Variants in TMEM240 observed in about 807,000 individuals in gnomAD.
TMEM240 encodes the protein transmembrane protein C1orf70.
In TMEM240, 3 loss-of-function variants were observed where a neutral mutation model predicts 19.5. The ratio of observed to expected loss-of-function variants is 0.15; its 90% confidence interval spans 0.07 to 0.40. The LOEUF is 0.40. Ranked by LOEUF, TMEM240 falls within the 10% of genes least tolerant of loss-of-function variation. The pLI, the probability that TMEM240 is intolerant of heterozygous loss-of-function variation, is 1.00. For synonymous variants in TMEM240, 123 were observed against 109.3 expected (o/e 1.13, Z -0.78); for missense variants, 210 against 253.5 (o/e 0.83, Z 1.17).
chr1:1,535,141 T>C lies in TMEM240; in HGVS notation c.*218A>G, dbSNP rs1642190182. 1 of 203,386 alleles carries C rather than the reference T, an allele frequency of 4.9e-6. No individual in the cohort carries two copies. The highest frequency in any genetic ancestry group is 9.2e-6 in the Non-Finnish European group (1 of 108,494). 12.6% of individuals were successfully genotyped at this position (203,386 alleles called of 1,614,324 possible). A position where few individuals can be genotyped will look rare whatever the true frequency, so the allele number is the denominator to read the frequency against. On this transcript the variant is annotated 3_prime_UTR_variant, in exon 4 of 4. Transcript: ENST00000378733. This position sits in a 1 kb window ranked among gnomAD's most constrained non-coding sequence, Gnocchi z 8.2. ...TGTGTCCTGCCCCCCAACTGCAGGGTCTCCCCTAACCCAACCCCCACCCTA... is the reference window on the plus strand; with the variant it reads ...TGTGTCCTGCCCCCCAACTGCAGGGCCTCCCCTAACCCAACCCCCACCCTA...
rs1481731405 is a variant in TMEM240 at position 1,535,322 on chromosome 1, C to T, written c.*37G>A. The T allele has an allele frequency of 3.1e-5, 48 of 1,545,098 alleles. No individual in the cohort carries two copies. Among genetic ancestry groups the T allele is most frequent in the Admixed American group, 9.9e-5 (5 of 50,438 alleles). ...GTCCCTTTTACATCTGTACAGCAGC[C>T]GGTTGGCTCGGTGGCCCCGGTAAGT... On this transcript the variant is annotated 3_prime_UTR_variant, in exon 4 of 4. Transcript: ENST00000378733. This position sits in a 1 kb window ranked among gnomAD's most constrained non-coding sequence, Gnocchi z 8.2.
chr1:1,539,918 G>T, intron 1 of TMEM240, 128 bp from the exon 2 acceptor site: 1 of 732,434 alleles, frequency 1.4e-6, no homozygotes, highest in Non-Finnish European at 2.2e-6. Flanking sequence ...GGTGAGGGGA[G>T]CGTAGGCCTT....
chr1:1,536,130 A>G lies in TMEM240; in HGVS notation c.165-333T>C, dbSNP rs948065138. On this transcript the variant is annotated intron_variant, in intron 2 of 3. Transcript: ENST00000378733. The surrounding 1 kb of genome is among the most constrained non-coding windows in gnomAD (Gnocchi z 5.4). ...GCTCACGGGAAGGTGCTGCAGGTGG[A>G]AGAGGCCTCCCCCGGAGGGGGCTCA... is the stretch of plus-strand genomic sequence containing the variant. Among the ~76,000 whole-genome samples the G allele has an allele frequency of 3.4e-4, 52 of 152,120 alleles. No homozygotes were observed. The highest frequency in any genetic ancestry group is 1.3e-4 in the Non-Finnish European group (9 of 67,938).
intron 2 of TMEM240, among the ~76,000 whole-genome samples, chr1:1,537,834 G>C (rs779648210): frequency 6.6e-6 from 1 of 152,236 alleles, no homozygotes; most frequent in Non-Finnish European, 1.5e-5. Flanking sequence ...GCAAAACGCA[G>C]CCACCCTCTC....
At chr1:1,537,406 CAG>C (rs1642238461) in intron 2 of TMEM240, among the ~76,000 whole-genome samples, 1 of 152,124 alleles carries the variant, frequency 6.6e-6, no homozygotes, top group East Asian at 1.9e-4. Flanking sequence ...CAGAGGCCCT[CAG>C]GGGAGGAAGC....
Position 1,540,615 on chromosome 1 carries a change from G to C in TMEM240, c.-269C>G, listed in dbSNP as rs2100700188. 6.6e-6 allele frequency among the ~76,000 whole-genome samples: 1 copy of C among 150,922 alleles called. No homozygotes were observed. The highest frequency in any genetic ancestry group is 1.5e-5 in the Non-Finnish European group (1 of 67,500). ...GTCCTCCCTGCGATGCGCTCGGCTC[G>C]GCTCGACTCGGCTCCGCTCGGCTCC... is the stretch of plus-strand genomic sequence containing the variant. On this transcript the variant is annotated 5_prime_UTR_variant, in exon 1 of 4. Coordinates refer to ENST00000378733, the MANE Select transcript of TMEM240 (RefSeq NM_001114748.2).
At position 1,537,296 on chromosome 1, in the gene TMEM240, T is replaced by C. The variant is rs78293298; in HGVS notation, c.165-1499A>G. Among the ~76,000 whole-genome samples the C allele has an allele frequency of 8.9e-3, 1,351 of 152,002 alleles. 10 individuals are homozygous for C. Among genetic ancestry groups the C allele is most frequent in the Non-Finnish European group, 0.013 (916 of 67,958 alleles). ...AGGAGTGACCATGACCGTGGCTGAT[T>C]CCTGGTGGCCACCGATCACCTGGTG... On this transcript the variant is annotated intron_variant, in intron 2 of 3. Transcript: ENST00000378733.
At chr1:1,539,893 G>T in intron 1 of TMEM240, 103 bp from the exon 2 acceptor site, 1 of 974,878 alleles carries the variant, frequency 1.0e-6, no homozygotes, top group Non-Finnish European at 1.5e-6. Flanking sequence ...AGCGGGGAGC[G>T]AGAGCGCAGG....
rs114544469 is a variant in TMEM240, at chr1:1,536,245, C to G, written c.165-448G>C. Among the ~76,000 whole-genome samples, 19 of 152,234 alleles carry G rather than the reference C, an allele frequency of 1.2e-4. No individual in the cohort carries two copies. The highest frequency in any genetic ancestry group is 2.6e-4 in the Non-Finnish European group (18 of 67,980). ...TGGAGCAGAGCTGGACACAGGGAGC[C>G]CTGCTGGCCCCAGACCAGCCACTCC... On this transcript the variant is annotated intron_variant, in intron 2 of 3. Transcript: ENST00000378733. This position sits in a 1 kb window ranked among gnomAD's most constrained non-coding sequence, Gnocchi z 5.4.
At position 1,535,913 on chromosome 1, in the gene TMEM240, G is replaced by T; in HGVS notation, c.165-116C>A. The T allele has an allele frequency of 6.9e-6, 3 of 436,980 alleles. No homozygotes were observed. The highest frequency in any genetic ancestry group is 6.8e-5 in the East Asian group (1 of 14,710). 27.1% of individuals were successfully genotyped at this position (436,980 alleles called of 1,614,324 possible). On this transcript the variant is annotated intron_variant, in intron 2 of 3. Coordinates refer to ENST00000378733, the MANE Select transcript of TMEM240 (RefSeq NM_001114748.2). The surrounding 1 kb of genome is among the most constrained non-coding windows in gnomAD (Gnocchi z 8.2). ...CGTCAGGCCGCCCTGGGGGTTCTCT[G>T]AAGCAGCCTCTTGGGCGGGCGGGTC...
At position 1,535,512 on chromosome 1, in the gene TMEM240, G is replaced by T. The variant is rs1106226; in HGVS notation, c.374-5C>A. ...GCAGCCAGGTCCACGAGCCATCTGC[G>T]GGGGGACAGGGGCGGTCAGGCGGCT... On this transcript the variant is annotated splice_polypyrimidine_tract_variant and splice_region_variant and intron_variant, in intron 3 of 3. Coordinates refer to ENST00000378733, the MANE Select transcript of TMEM240 (RefSeq NM_001114748.2). This position sits in a 1 kb window ranked among gnomAD's most constrained non-coding sequence, Gnocchi z 8.2. The T allele has an allele frequency of 6.5e-7, 1 of 1,541,728 alleles. No individual in the cohort carries two copies. The highest frequency in any genetic ancestry group is 2.0e-5 in the Admixed American group (1 of 49,956).
At position 1,535,259 on chromosome 1, in the gene TMEM240, G is replaced by T; in HGVS notation, c.*100C>A. On this transcript the variant is annotated 3_prime_UTR_variant, in exon 4 of 4. Coordinates refer to ENST00000378733, the MANE Select transcript of TMEM240 (RefSeq NM_001114748.2). This position sits in a 1 kb window ranked among gnomAD's most constrained non-coding sequence, Gnocchi z 8.2. ...ACAGCCCCGGACAACCTGGGCCCAGGGCTGCTGTCCAGTCCCGCCGGCCCG... is the reference window on the plus strand; with the variant it reads ...ACAGCCCCGGACAACCTGGGCCCAGTGCTGCTGTCCAGTCCCGCCGGCCCG... 7.2e-7 allele frequency: 1 copy of T among 1,390,416 alleles called. No individual in the cohort carries two copies. Among genetic ancestry groups the T allele is most frequent in the Non-Finnish European group, 9.7e-7 (1 of 1,035,160 alleles). The allele number at this position is 1,390,416 out of a possible 1,614,324, so 86.1% of individuals were successfully genotyped here.
In TMEM240 at chr1:1,535,314, ACAG is replaced by A; in HGVS notation, c.*42_*44del. The stretch of plus-strand genomic sequence containing the variant: ...TCCACGAGGTCCCTTTTACATCTGT[ACAG>A]CAGCCGGTTGGCTCGGTGGCCCCGG... On this transcript the variant is annotated 3_prime_UTR_variant, in exon 4 of 4. Coordinates refer to ENST00000378733, the MANE Select transcript of TMEM240 (RefSeq NM_001114748.2). The surrounding 1 kb of genome is among the most constrained non-coding windows in gnomAD (Gnocchi z 8.2). 1 of 1,542,706 alleles carries A rather than the reference ACAG, an allele frequency of 6.5e-7. No individual in the cohort carries two copies. Among genetic ancestry groups the A allele is most frequent in the Non-Finnish European group, 8.7e-7 (1 of 1,143,268 alleles).
intron 1 of TMEM240, 48 bp from the exon 2 acceptor site, chr1:1,539,838 G>A: frequency 6.6e-7 from 1 of 1,508,514 alleles, no homozygotes; most frequent in South Asian, 1.2e-5. Context: ...GCGGGACGAA[G>A]CGGGGCTGGG....
rs56239289 is a variant in TMEM240 at position 1,539,084 on chromosome 1, T to C, written c.164+600A>G. The C allele has an allele frequency of 1.6e-3, 252 of 155,480 alleles. 1 individual carries two copies. Among genetic ancestry groups the C allele is most frequent in the Middle Eastern group, 3.3e-3 (1 of 304 alleles). The allele number at this position is 155,480 out of a possible 1,614,324, so 9.6% of individuals were successfully genotyped here. A position where few individuals can be genotyped will look rare whatever the true frequency, so the allele number is the denominator to read the frequency against. ...CATGAGAAGATGTTTATTTCGTACA[T>C]GGACGTACAAACATGCATGGCCAAG... On this transcript the variant is annotated intron_variant, in intron 2 of 3. Transcript: ENST00000378733.
intron 1 of TMEM240, 130 bp from the exon 2 acceptor site, chr1:1,539,920 G>T: frequency 1.8e-6 from 1 of 553,934 alleles, no homozygotes; most frequent in Non-Finnish European, 3.0e-6. Context: ...TGAGGGGAGC[G>T]TAGGCCTTGG....
chr1:1,535,797 C>T lies in TMEM240; in HGVS notation c.165G>A (p.Arg55=). 1 of 1,549,612 alleles carries T rather than the reference C, an allele frequency of 6.5e-7. No individual in the cohort carries two copies. The highest frequency in any genetic ancestry group is 8.7e-7 in the Non-Finnish European group (1 of 1,146,396). The change falls in exon 3 of 4, where the codon CGG becomes CGA. Residue 55 remains arginine (R), a splice_region_variant and synonymous_variant. Coordinates refer to ENST00000378733, the MANE Select transcript of TMEM240 (RefSeq NM_001114748.2). This position sits in a 1 kb window ranked among gnomAD's most constrained non-coding sequence, Gnocchi z 8.2. The part of the protein sequence containing the change: ...EDRVCHCNCG[R]HHIHYVIPYD... ...ACGGGATCACGTAGTGGATATGGTG[C>T]CTGGGGGCGGCAGGGCGGGCTGGCA...
chr1:1,537,962 G>A (rs1009936469), intron 2 of TMEM240, among the ~76,000 whole-genome samples: 5 of 152,338 alleles, frequency 3.3e-5, no homozygotes, highest in East Asian at 3.9e-4. Context: ...GTATAGGCAC[G>A]TATGAGGCCT....
At chr1:1,538,200 G>C (rs1557490008) in intron 2 of TMEM240, among the ~76,000 whole-genome samples, 1 of 152,332 alleles carries the variant, frequency 6.6e-6, no homozygotes, top group South Asian at 2.1e-4. Flanking sequence ...CAATATACAA[G>C]GGCACTCTGT....
Sources: allele counts gnomAD v4.1 joint callset (sites outside exome capture counted in the v4.1 genomes callset), GRCh38; gene constraint gnomAD v4.1.1; non-coding constraint Gnocchi (gnomAD v3.1); transcripts MANE v1.5; gene names NCBI Gene and HGNC (gene_info 2026-07-23, HGNC 2026-07-21).